The following SPRED1 variants were observed in gnomAD, a reference collection of about 807,000 sequenced individuals.
SPRED1 encodes sprouty-related, EVH1 domain-containing protein 1.
Under a neutral mutation model 52.3 loss-of-function variants are expected in SPRED1, and 18 were observed. The observed-to-expected ratio is 0.34, with a 90% CI of 0.24 to 0.51. The LOEUF (loss-of-function observed/expected upper bound fraction) is 0.51. Among genes scored for constraint, SPRED1 ranks in the 20% least tolerant of loss-of-function variants. The pLI is 0.97. For synonymous variants in SPRED1, 155 were observed against 179.7 expected (o/e 0.86, Z 1.10); for missense variants, 485 against 551.0 (o/e 0.88, Z 1.20).
chr15:38,349,751 A>G (rs1034798230), intron 6 of SPRED1, among the ~76,000 whole-genome samples: 1 of 152,210 alleles, frequency 6.6e-6, no homozygotes, highest in African/African-American at 2.4e-5. Context: ...ACCAAAAGGA[A>G]TTATATATTG....
Position 38,352,830 on chromosome 15 carries a change from A to G in SPRED1, c.*1166A>G, listed in dbSNP as rs918574771. 10 of 152,146 alleles carry G rather than the reference A, an allele frequency of 6.6e-5. No individual in the cohort carries two copies. The highest frequency in any genetic ancestry group is 2.4e-4 in the African/African-American group (10 of 41,462). The allele number at this position is 152,146 out of a possible 1,614,324, so 9.4% of individuals were successfully genotyped here. A position where few individuals can be genotyped will look rare whatever the true frequency, so the allele number is the denominator to read the frequency against. The stretch of plus-strand genomic sequence containing the variant: ...CATTTTATTTTTATTTAAACTGGCC[A>G]AAAGCAAAATTATTTTATGTTAAAA... On this transcript the variant is annotated 3_prime_UTR_variant, in exon 7 of 7. Coordinates refer to ENST00000299084, the MANE Select transcript of SPRED1 (RefSeq NM_152594.3).
chr15:38,278,828 G>GTTTTTTTTTTTT lies in SPRED1; in HGVS notation c.33-20541_33-20530dup, dbSNP rs765637726. 1.7e-4 allele frequency among the ~76,000 whole-genome samples: 20 copies of GTTTTTTTTTTTT among 118,252 alleles called. 1 individual carries two copies. Among genetic ancestry groups the GTTTTTTTTTTTT allele is most frequent in the African/African-American group, 2.8e-4 (9 of 32,494 alleles). 77.6% of individuals were successfully genotyped at this position (118,252 alleles called of 152,430 possible). ...ACAACCATTATAACCTAACTACACTGTTTTTTTTTTTTTTTGTGAAATGAA... is the reference window on the plus strand; with the variant it reads ...ACAACCATTATAACCTAACTACACTGTTTTTTTTTTTTTTTTTTTTTTTTTTTGTGAAATGAA... On this transcript the variant is annotated intron_variant, in intron 1 of 6. Coordinates refer to ENST00000299084, the MANE Select transcript of SPRED1 (RefSeq NM_152594.3).
intron 4 of SPRED1, among the ~76,000 whole-genome samples, chr15:38,330,528 T>C (rs1332543788): frequency 6.6e-6 from 1 of 152,136 alleles, no homozygotes. Flanking sequence ...TTTGTTGGGC[T>C]TGTGGAATTA....
At chr15:38,336,462 ATAT>A (rs1895924683) in intron 4 of SPRED1, among the ~76,000 whole-genome samples, 3 of 142,890 alleles carry the variant, frequency 2.1e-5, no homozygotes, top group Admixed American at 7.2e-5. Flanking sequence ...TATATATATA[ATAT>A]TTTATATATA....
chr15:38,277,310 C>T (rs1222545508), intron 1 of SPRED1, among the ~76,000 whole-genome samples: 2 of 152,116 alleles, frequency 1.3e-5, no homozygotes, highest in Non-Finnish European at 2.9e-5. Flanking sequence ...CTGTTCCCTT[C>T]TTTGTGTCCA....
At chr15:38,316,716 G>A (rs772974683) in intron 2 of SPRED1, among the ~76,000 whole-genome samples, 4 of 92,760 alleles carry the variant, frequency 4.3e-5, no homozygotes, top group Admixed American at 1.1e-4. Flanking sequence ...AATTTGTTGC[G>A]GCTTTTTCTA....
chr15:38,309,597 A>G (rs1009641402), intron 2 of SPRED1, among the ~76,000 whole-genome samples: 1 of 152,196 alleles, frequency 6.6e-6, no homozygotes, highest in African/African-American at 2.4e-5. Context: ...TTAAATTGTG[A>G]TAAGGTCCCA....
chr15:38,336,102 A>C (rs1298370747), intron 4 of SPRED1, among the ~76,000 whole-genome samples: 1 of 151,890 alleles, frequency 6.6e-6, no homozygotes, highest in Non-Finnish European at 1.5e-5. Flanking sequence ...TTTAACACTA[A>C]ACATTTCCTA....
intron 5 of SPRED1, among the ~76,000 whole-genome samples, chr15:38,346,411 T>C (rs916386871): frequency 6.6e-6 from 1 of 152,188 alleles, no homozygotes; most frequent in Non-Finnish European, 1.5e-5. Flanking sequence ...TCTCTTACTT[T>C]CACGGGTTCA....
chr15:38,340,021 A>G, intron 5 of SPRED1, 126 bp downstream of exon 5: 2 of 1,197,004 alleles, frequency 1.7e-6, no homozygotes, highest in Admixed American at 2.0e-5. Flanking sequence ...CAAAAACCCC[A>G]CAAACAAAAC....
chr15:38,341,250 A>G (rs971379614), intron 5 of SPRED1, among the ~76,000 whole-genome samples: 3 of 151,948 alleles, frequency 2.0e-5, no homozygotes, highest in African/African-American at 7.2e-5. Flanking sequence ...TAGCCTTTTC[A>G]AAGATAACTT....
chr15:38,320,172 A>G (rs559195826), intron 2 of SPRED1, among the ~76,000 whole-genome samples: 6 of 152,318 alleles, frequency 3.9e-5, no homozygotes, highest in Admixed American at 3.3e-4. Flanking sequence ...GGCTTCCAAA[A>G]TTCTTGAAAA....
intron 1 of SPRED1, among the ~76,000 whole-genome samples, chr15:38,255,464 A>G (rs1326368742): frequency 6.6e-6 from 1 of 151,926 alleles, no homozygotes; most frequent in Non-Finnish European, 1.5e-5. Context: ...ATTTTGGTAA[A>G]CTCTTCATGG....
intron 1 of SPRED1, chr15:38,298,545 T>C (rs1390765173): frequency 3.2e-6 from 1 of 308,584 alleles, no homozygotes; most frequent in Non-Finnish European, 6.1e-6. Flanking sequence ...CAAAACAACA[T>C]GAGAGAAAGA....
chr15:38,289,546 T>C (rs1483695366), intron 1 of SPRED1, among the ~76,000 whole-genome samples: 1 of 152,122 alleles, frequency 6.6e-6, no homozygotes, highest in Non-Finnish European at 1.5e-5. Context: ...TTGTGAGCTT[T>C]GATATAGGGA....
intron 1 of SPRED1, among the ~76,000 whole-genome samples, chr15:38,277,091 G>T (rs1894571855): frequency 6.6e-6 from 1 of 152,156 alleles, no homozygotes; most frequent in African/African-American, 2.4e-5. Context: ...ATTAAGAGAA[G>T]TAAATTTATT....
chr15:38,326,034 A>C (rs921794079), intron 4 of SPRED1: 3 of 152,206 alleles, frequency 2.0e-5, no homozygotes, highest in Non-Finnish European at 4.4e-5. Context: ...ACAGTAAATA[A>C]AAGCTGGAAG....
At chr15:38,319,314 T>A (rs1895553301) in intron 2 of SPRED1, among the ~76,000 whole-genome samples, 1 of 152,212 alleles carries the variant, frequency 6.6e-6, no homozygotes, top group Non-Finnish European at 1.5e-5. Context: ...TAACAAATAT[T>A]TAATAGTAAA....
intron 2 of SPRED1, among the ~76,000 whole-genome samples, chr15:38,318,308 G>A (rs1011242624): frequency 6.6e-6 from 1 of 151,898 alleles, no homozygotes; most frequent in Non-Finnish European, 1.5e-5. Context: ...TGTACTGGTT[G>A]GTATGATATT....
Sources: allele counts gnomAD v4.1 joint callset (sites outside exome capture counted in the v4.1 genomes callset), GRCh38; gene constraint gnomAD v4.1.1; transcripts MANE v1.5; gene names NCBI Gene and HGNC (gene_info 2026-07-23, HGNC 2026-07-21).